The following LRRTM4 variants were observed in gnomAD, a reference collection of about 807,000 sequenced individuals.
The protein encoded by LRRTM4 is leucine-rich repeat transmembrane neuronal protein 4.
A neutral mutation model predicts 47.6 loss-of-function variants in LRRTM4; 25 were observed. The observed-to-expected ratio is 0.53, with a 90% CI of 0.38 to 0.73. LRRTM4 has a LOEUF of 0.73. LRRTM4 is among the 30% of genes least tolerant of loss of function. The probability of loss-of-function intolerance (pLI) is 0.00; values close to 1 mark genes in which losing one functional copy is unlikely to be tolerated. For missense variants in LRRTM4, 638 were observed against 713.4 expected (o/e 0.89, Z 1.20); for synonymous variants, 311 against 269.5 (o/e 1.15, Z -1.51).
intron 3 of LRRTM4, among the ~76,000 whole-genome samples, chr2:76,876,986 T>G (rs958920762): frequency 5.9e-5 from 9 of 152,098 alleles, no homozygotes; most frequent in African/African-American, 2.2e-4. Context: ...GATACACAGT[T>G]TGCACACTAG....
chr2:77,207,698 C>G (rs147367975), intron 3 of LRRTM4, among the ~76,000 whole-genome samples: 1 of 151,664 alleles, frequency 6.6e-6, no homozygotes, highest in Non-Finnish European at 1.5e-5. Flanking sequence ...TAGCTGGTCT[C>G]TAGGTTCTCC....
chr2:76,878,779 C>G (rs1180666810), intron 3 of LRRTM4, among the ~76,000 whole-genome samples: 1 of 151,990 alleles, frequency 6.6e-6, no homozygotes, highest in African/African-American at 2.4e-5. Context: ...GAGGCTGAGG[C>G]AGGAGAATCG....
intron 3 of LRRTM4, among the ~76,000 whole-genome samples, chr2:76,771,021 G>A (rs780107574): frequency 2.6e-5 from 4 of 152,148 alleles, no homozygotes; most frequent in Admixed American, 6.6e-5. Context: ...TCAAATGCAA[G>A]CCCTTACAGT....
chr2:77,508,677 A>C (rs930127095), intron 3 of LRRTM4, among the ~76,000 whole-genome samples: 1 of 152,124 alleles, frequency 6.6e-6, no homozygotes, highest in Non-Finnish European at 1.5e-5. Context: ...TTTCAGTTTA[A>C]AATATATTAC....
chr2:77,108,416 A>C (rs1282603009), intron 3 of LRRTM4, among the ~76,000 whole-genome samples: 1 of 152,062 alleles, frequency 6.6e-6, no homozygotes, highest in Non-Finnish European at 1.5e-5. Context: ...AATATCAATA[A>C]TATGGACAGT....
chr2:77,269,613 A>G (rs1168726091), intron 3 of LRRTM4, among the ~76,000 whole-genome samples: 1 of 152,178 alleles, frequency 6.6e-6, no homozygotes, highest in Non-Finnish European at 1.5e-5. Flanking sequence ...ATAATCACTA[A>G]TAATTTAATG....
chr2:77,500,351 A>G (rs1003047924), intron 3 of LRRTM4, among the ~76,000 whole-genome samples: 1 of 151,780 alleles, frequency 6.6e-6, no homozygotes, highest in African/African-American at 2.4e-5. Context: ...GAAAAAATGT[A>G]TTATTTATTA....
intron 3 of LRRTM4, among the ~76,000 whole-genome samples, chr2:77,257,813 A>C (rs1187811439): frequency 6.6e-6 from 1 of 152,098 alleles, no homozygotes; most frequent in African/African-American, 2.4e-5. Context: ...CATTAATGGC[A>C]AACGACCATG....
At chr2:77,385,058 A>G (rs1673210340) in intron 3 of LRRTM4, among the ~76,000 whole-genome samples, 1 of 152,168 alleles carries the variant, frequency 6.6e-6, no homozygotes, top group African/African-American at 2.4e-5. Flanking sequence ...CATAAAGGGA[A>G]GAATGAAAAC....
intron 3 of LRRTM4, among the ~76,000 whole-genome samples, chr2:76,810,663 GT>G (rs954369698): frequency 1.3e-5 from 2 of 152,180 alleles, no homozygotes; most frequent in Admixed American, 6.5e-5. Context: ...AAAGTCTATG[GT>G]TTTTAACCTG....
At position 76,772,561 on chromosome 2, in the gene LRRTM4, C is replaced by T. The variant is rs993875251; in HGVS notation, c.1552-23645G>A. On this transcript the variant is annotated intron_variant, in intron 3 of 3. Coordinates refer to ENST00000409884, the MANE Select transcript of LRRTM4 (RefSeq NM_001134745.3). ...AACATGACAGTCTCAATTTGACCAA[C>T]CTTTGGACAGATATTTTTTTTGGCC... Among the ~76,000 whole-genome samples, 3 of 152,088 alleles carry T rather than the reference C, an allele frequency of 2.0e-5. No individual in the cohort carries two copies. In the South Asian group the frequency reaches 6.2e-4, roughly 31 times the overall value.
chr2:77,025,278 C>T (rs867538395), intron 3 of LRRTM4, among the ~76,000 whole-genome samples: 5 of 152,102 alleles, frequency 3.3e-5, no homozygotes, highest in African/African-American at 7.2e-5. Context: ...GGTTGATTTA[C>T]GACTACAAAA....
At chr2:77,251,326 G>A (rs1477297481) in intron 3 of LRRTM4, among the ~76,000 whole-genome samples, 3 of 150,712 alleles carry the variant, frequency 2.0e-5, no homozygotes, top group Non-Finnish European at 3.0e-5. Flanking sequence ...TCATAAAAAA[G>A]CTAAATGCAC....
intron 3 of LRRTM4, among the ~76,000 whole-genome samples, chr2:77,143,917 C>G (rs1672189851): frequency 6.6e-6 from 1 of 152,190 alleles, no homozygotes; most frequent in Non-Finnish European, 1.5e-5. Flanking sequence ...ACAAAATACA[C>G]TGTAGTCATC....
chr2:77,386,270 G>A (rs1000100675), intron 3 of LRRTM4, among the ~76,000 whole-genome samples: 1 of 152,018 alleles, frequency 6.6e-6, no homozygotes, highest in Admixed American at 6.6e-5. Context: ...TATACATCCA[G>A]GTTGATCTTA....
intron 3 of LRRTM4, among the ~76,000 whole-genome samples, chr2:77,196,787 T>C (rs1322188944): frequency 6.6e-6 from 1 of 152,108 alleles, no homozygotes; most frequent in South Asian, 2.1e-4. Flanking sequence ...GAATCTAAGA[T>C]CTATTAAATT....
rs1230193739 is a variant in LRRTM4 at position 77,095,974 on chromosome 2, A to T, written c.1552-347058T>A. On this transcript the variant is annotated intron_variant, in intron 3 of 3. Transcript: ENST00000409884. Reference sequence around the variant, plus strand: ...TTTTGACTGCATGGTGACCAGAGTTAATAATAATGTATTCTATACTTCAAA... The same window carrying T: ...TTTTGACTGCATGGTGACCAGAGTTTATAATAATGTATTCTATACTTCAAA... Among the ~76,000 whole-genome samples, 3 of 151,624 alleles carry T rather than the reference A, an allele frequency of 2.0e-5. No individual in the cohort carries two copies. The South Asian group carries it at 6.2e-4, about 31-fold the overall frequency.
chr2:77,449,115 A>G (rs1470091756), intron 3 of LRRTM4, among the ~76,000 whole-genome samples: 1 of 152,212 alleles, frequency 6.6e-6, no homozygotes, highest in South Asian at 2.1e-4. Context: ...CTGTCATTGG[A>G]TAAACATTTT....
intron 3 of LRRTM4, among the ~76,000 whole-genome samples, chr2:76,786,004 A>C (rs992141481): frequency 7.9e-5 from 12 of 152,138 alleles, no homozygotes; most frequent in Non-Finnish European, 5.9e-5. Context: ...ACTCAATGAT[A>C]CCTAGCTGCT....
Sources: allele counts gnomAD v4.1 joint callset (sites outside exome capture counted in the v4.1 genomes callset), GRCh38; gene constraint gnomAD v4.1.1; transcripts MANE v1.5; gene names NCBI Gene and HGNC (gene_info 2026-07-23, HGNC 2026-07-21).